The following CARMIL1 variants were observed in gnomAD, a reference collection of about 807,000 sequenced individuals.
CARMIL1 encodes F-actin-uncapping protein LRRC16A.
CARMIL1 carries 90 observed loss-of-function variants against 177.1 expected under a neutral mutation model. That is an observed-to-expected ratio of 0.51 (90% CI 0.43 to 0.61). The LOEUF (loss-of-function observed/expected upper bound fraction) is 0.61, where lower values mean the gene tolerates loss of function less well. CARMIL1 is among the 20% of genes least tolerant of loss of function. CARMIL1 has a pLI of 0.00. For missense variants in CARMIL1, 1,380 were observed against 1,667.0 expected (o/e 0.83, Z 3.00); for synonymous variants, 577 against 606.2 (o/e 0.95, Z 0.71).
intron 32 of CARMIL1, among the ~76,000 whole-genome samples, chr6:25,596,921 CTTTA>C (rs1206469657): frequency 6.6e-6 from 1 of 151,900 alleles, no homozygotes; most frequent in South Asian, 2.1e-4. Flanking sequence ...GCCCCACTTT[CTTTA>C]TTTAATTTTA....
At chr6:25,400,884 A>G (rs1793827711) in intron 2 of CARMIL1, among the ~76,000 whole-genome samples, 1 of 152,242 alleles carries the variant, frequency 6.6e-6, no homozygotes, top group Admixed American at 6.5e-5. Context: ...ACTAAGAGGA[A>G]CCATCAATTC....
At position 25,279,500 on chromosome 6, in the gene CARMIL1, G is replaced by T; in HGVS notation, c.-296G>T. The T allele has an allele frequency of 2.1e-6, 1 of 486,370 alleles. No individual in the cohort carries two copies. The highest frequency in any genetic ancestry group is 3.7e-6 in the Non-Finnish European group (1 of 268,078). 30.1% of individuals were successfully genotyped at this position (486,370 alleles called of 1,614,324 possible). On this transcript the variant is annotated 5_prime_UTR_variant, in exon 1 of 37. Coordinates refer to ENST00000329474, the MANE Select transcript of CARMIL1 (RefSeq NM_017640.6). ...GGGAGGAGGAGCAGGCGCCACAGCC[G>T]CCCCGCGCCCCGCGCCCGCTTGTAA...
At chr6:25,292,009 A>T (rs1443799261) in intron 2 of CARMIL1, among the ~76,000 whole-genome samples, 6 of 152,146 alleles carry the variant, frequency 3.9e-5, no homozygotes, top group Non-Finnish European at 8.8e-5. Context: ...GATGTGTAAA[A>T]CTTGGTGTAA....
intron 29 of CARMIL1, among the ~76,000 whole-genome samples, chr6:25,557,897 C>G (rs1239642030): frequency 6.6e-6 from 1 of 152,144 alleles, no homozygotes; most frequent in Non-Finnish European, 1.5e-5. Flanking sequence ...CTGTCCTATA[C>G]AAGGAGAACA....
intron 2 of CARMIL1, among the ~76,000 whole-genome samples, chr6:25,354,903 C>G (rs1436841294): frequency 1.3e-5 from 2 of 152,094 alleles, no homozygotes; most frequent in Admixed American, 6.5e-5. Context: ...GCTTATAGAC[C>G]CAGTGTGATG....
intron 2 of CARMIL1, among the ~76,000 whole-genome samples, chr6:25,411,354 C>T (rs1794890153): frequency 6.6e-6 from 1 of 152,154 alleles, no homozygotes; most frequent in South Asian, 2.1e-4. Flanking sequence ...TAAGAATTAC[C>T]ATCCTGCCAC....
intron 2 of CARMIL1, among the ~76,000 whole-genome samples, chr6:25,344,494 G>A (rs1190728390): frequency 6.6e-6 from 1 of 152,130 alleles, no homozygotes; most frequent in African/African-American, 2.4e-5. Context: ...GAGGCCAAAT[G>A]TGCTTGGAGA....
intron 16 of CARMIL1, 64 bp from the exon 17 acceptor site, chr6:25,500,098 GTGCT>G: frequency 7.3e-7 from 1 of 1,371,034 alleles, no homozygotes; most frequent in African/African-American, 1.4e-5. Context: ...TTTATTCAGT[GTGCT>G]TGCATTTTTT....
intron 2 of CARMIL1, among the ~76,000 whole-genome samples, chr6:25,358,372 G>A (rs143640606): frequency 0.01 from 1,582 of 152,138 alleles, 12 homozygotes; most frequent in Middle Eastern, 0.014. Context: ...TGAATGTGAC[G>A]CATAAAAAGT....
rs4568443 is a variant in CARMIL1 at position 25,509,748 on chromosome 6, T to C, written c.1477+11T>C. ...ACATCTCTGACAATGGTAAGTCAGA[T>C]ATTGAAAAGAAATGAAACTGAAATA... is the stretch of plus-strand genomic sequence containing the variant. On this transcript the variant is annotated intron_variant, in intron 18 of 36. Transcript: ENST00000329474. The surrounding 1 kb of genome is among the most constrained non-coding windows in gnomAD (Gnocchi z 4.1). 641,554 of 1,540,806 alleles carry C rather than the reference T, an allele frequency of 0.42. 137,483 individuals carry two copies. The highest frequency in any genetic ancestry group is 0.53 in the Middle Eastern group (3,145 of 5,936).
intron 2 of CARMIL1, among the ~76,000 whole-genome samples, chr6:25,303,436 T>C: frequency 6.6e-6 from 1 of 152,306 alleles, no homozygotes; most frequent in Admixed American, 6.5e-5. Flanking sequence ...TCCCAAGATA[T>C]GAATAGGTGT....
At position 25,600,295 on chromosome 6, in the gene CARMIL1, GT is replaced by G; in HGVS notation, c.3120-18del. 1 of 1,589,862 alleles carries G rather than the reference GT, an allele frequency of 6.3e-7. No individual in the cohort carries two copies. Among genetic ancestry groups the G allele is most frequent in the Non-Finnish European group, 8.6e-7 (1 of 1,169,210 alleles). On this transcript the variant is annotated intron_variant, in intron 32 of 36. Coordinates refer to ENST00000329474, the MANE Select transcript of CARMIL1 (RefSeq NM_017640.6). ...TTTACAGTAAAAACAACAGATCTGT[GT>G]CTTGGTTTGAAATGCAGGAAATGGT...
intron 25 of CARMIL1, among the ~76,000 whole-genome samples, chr6:25,538,190 A>G (rs1429278515): frequency 6.6e-6 from 1 of 152,206 alleles, no homozygotes; most frequent in Non-Finnish European, 1.5e-5. Context: ...GCAGAGGGCC[A>G]GTGTGATTCA....
intron 27 of CARMIL1, 54 bp downstream of exon 27, chr6:25,551,139 G>C: frequency 7.0e-7 from 1 of 1,431,050 alleles, no homozygotes; most frequent in Non-Finnish European, 9.7e-7. Context: ...AAATGCAGTC[G>C]AGGCAGCTGT....
At chr6:25,450,135 G>T in intron 6 of CARMIL1, 140 bp downstream of exon 6, 2 of 782,488 alleles carry the variant, frequency 2.6e-6, no homozygotes, top group Non-Finnish European at 4.0e-6. Flanking sequence ...ACTTTAGATT[G>T]GTGGACAAAA....
chr6:25,486,258 A>T (rs1802644270), intron 12 of CARMIL1, among the ~76,000 whole-genome samples: 1 of 152,064 alleles, frequency 6.6e-6, no homozygotes, highest in African/African-American at 2.4e-5. Context: ...TTATTAACAC[A>T]GGCCTCATGT....
intron 2 of CARMIL1, among the ~76,000 whole-genome samples, chr6:25,402,975 T>C (rs1412895244): frequency 1.3e-5 from 2 of 152,086 alleles, no homozygotes; most frequent in African/African-American, 2.4e-5. Flanking sequence ...CAGAAGATCA[T>C]TTTTTCCCCT....
intron 31 of CARMIL1, among the ~76,000 whole-genome samples, chr6:25,591,998 G>A (rs757326163): frequency 3.7e-4 from 56 of 152,272 alleles, no homozygotes; most frequent in Non-Finnish European, 6.6e-4. Flanking sequence ...CAGGAAAAGA[G>A]AAATTTTTCC....
At chr6:25,416,379 C>T (rs1208816833) in intron 2 of CARMIL1, among the ~76,000 whole-genome samples, 1 of 152,166 alleles carries the variant, frequency 6.6e-6, no homozygotes, top group African/African-American at 2.4e-5. Flanking sequence ...CCAACTGCCA[C>T]CTACTTGCTG....
Sources: allele counts gnomAD v4.1 joint callset (sites outside exome capture counted in the v4.1 genomes callset), GRCh38; gene constraint gnomAD v4.1.1; non-coding constraint Gnocchi (gnomAD v3.1); transcripts MANE v1.5; gene names NCBI Gene and HGNC (gene_info 2026-07-23, HGNC 2026-07-21).